The following TNRC6B variants were observed in gnomAD, a reference collection of about 807,000 sequenced individuals.
TNRC6B encodes trinucleotide repeat-containing gene 6B protein.
A neutral mutation model predicts 203.6 loss-of-function variants in TNRC6B; 52 were observed. The ratio of observed to expected loss-of-function variants is 0.26; its 90% CI spans 0.20 to 0.32. The LOEUF is 0.32. Ranked by LOEUF, TNRC6B falls within the 10% of genes least tolerant of loss-of-function variation. TNRC6B has a pLI of 1.00. For missense variants in TNRC6B, 1,923 were observed against 2,286.2 expected, an observed-to-expected ratio of 0.84 and a Z score of 3.24; for synonymous variants, 838 against 845.7, an observed-to-expected ratio of 0.99 and a Z score of 0.16.
At chr22:40,280,806 T>C (rs957446929) in intron 10 of TNRC6B, among the ~76,000 whole-genome samples, 2 of 152,232 alleles carry the variant, frequency 1.3e-5, no homozygotes, top group Non-Finnish European at 2.9e-5. Flanking sequence ...GGCTTCTGTT[T>C]CAGCAGCCAC....
chr22:40,316,827 C>T (rs1392608844), intron 21 of TNRC6B, among the ~76,000 whole-genome samples: 1 of 151,996 alleles, frequency 6.6e-6, no homozygotes, highest in Non-Finnish European at 1.5e-5. Context: ...ATACAGTTTA[C>T]AAAAGTGAAA....
At chr22:40,217,031 C>T (rs971918689) in intron 1 of TNRC6B, among the ~76,000 whole-genome samples, 8 of 152,128 alleles carry the variant, frequency 5.3e-5, no homozygotes, top group African/African-American at 1.9e-4. Context: ...TCTGTCTGAC[C>T]AATGCAGCTG....
chr22:40,167,704 CAAAAAAAAAAAA>C (rs58022219), intron 4 of TNRC6B, among the ~76,000 whole-genome samples: 1 of 59,028 alleles, frequency 1.7e-5, no homozygotes, highest in Admixed American at 2.2e-4. Context: ...CCATCGCTAC[CAAAAAAAAAAAA>C]AAAAAAAAAA....
In TNRC6B at chr22:40,265,716, T is replaced by G. The variant is rs767871405; in HGVS notation, c.1486T>G (p.Trp496Gly). The G allele has an allele frequency of 1.9e-6, 3 of 1,613,708 alleles. No homozygotes were observed. The Admixed American group carries it at 5.0e-5, about 27-fold the overall frequency. ...FGPQDSNDNK[W>G]GEGNKMTSGV... The stretch of plus-strand genomic sequence containing the variant: ...CCCCCAGGACTCTAATGACAACAAA[T>G]GGGGTGAAGGGAACAAAATGACATC... The change falls in exon 5 of 23, where the codon TGG becomes GGG. Residue 496 changes from tryptophan to glycine, a missense_variant. This residue lies in a region of TNRC6B where 614 missense variants were observed against 587.7 expected (regional missense o/e 1.04). Transcript: ENST00000454349.
intron 1 of TNRC6B, among the ~76,000 whole-genome samples, chr22:40,088,584 TTGTGTGTGTGTGTGTGTGTG>T (rs58537972): frequency 4.8e-5 from 6 of 125,230 alleles, no homozygotes; most frequent in East Asian, 2.4e-4. Flanking sequence ...GCGGCTACTT[TTGTGTGTGTGTGTGTGTGTG>T]TGTGTGTGTG....
chr22:40,152,541 G>A (rs2068768024), intron 3 of TNRC6B, among the ~76,000 whole-genome samples: 2 of 152,110 alleles, frequency 1.3e-5, no homozygotes, highest in South Asian at 4.1e-4. Context: ...TGTTAGCCAG[G>A]ATGGTCTCGA....
In TNRC6B at chr22:40,177,958, G is replaced by T. The variant is rs1376519107; in HGVS notation, c.-178G>T. On this transcript the variant is annotated 5_prime_UTR_variant, in exon 1 of 23. Transcript: ENST00000454349. ...AGAGGGAGAGAGAGAGCAAGAGGGA[G>T]AGTGTGTGAGAGAGAGTTAGTTCAA... The T allele has an allele frequency of 7.0e-7, 1 of 1,423,146 alleles. No homozygotes were observed. Among genetic ancestry groups the T allele is most frequent in the East Asian group, 2.6e-5 (1 of 39,030 alleles). 88.2% of individuals were successfully genotyped at this position (1,423,146 alleles called of 1,614,324 possible). A position where few individuals can be genotyped will look rare whatever the true frequency, so the allele number is the denominator to read the frequency against.
chr22:40,281,317 G>C (rs745576975), intron 11 of TNRC6B, 28 bp downstream of exon 11: 3 of 1,518,160 alleles, frequency 2.0e-6, no homozygotes, highest in South Asian at 1.3e-5. Flanking sequence ...ATTTATAACT[G>C]CTTGGCTATG....
intron 1 of TNRC6B, among the ~76,000 whole-genome samples, chr22:40,055,588 A>C (rs1402151453): frequency 6.6e-6 from 1 of 152,246 alleles, no homozygotes; most frequent in Non-Finnish European, 1.5e-5. Context: ...GTTTGAATTC[A>C]TAAAGGCATA....
chr22:40,070,158 A>G (rs2067935098), intron 1 of TNRC6B, among the ~76,000 whole-genome samples: 1 of 151,936 alleles, frequency 6.6e-6, no homozygotes, highest in Admixed American at 6.6e-5. Context: ...GAGACATTTG[A>G]GTTTTGCGTG....
chr22:40,267,533 A>G (rs2070498144), intron 5 of TNRC6B, among the ~76,000 whole-genome samples: 1 of 152,094 alleles, frequency 6.6e-6, no homozygotes, highest in Non-Finnish European at 1.5e-5. Flanking sequence ...GATGATTTTT[A>G]ATGATTACCT....
At chr22:40,061,271 A>G (rs989504957) in intron 1 of TNRC6B, among the ~76,000 whole-genome samples, 2 of 152,010 alleles carry the variant, frequency 1.3e-5, no homozygotes, top group South Asian at 2.1e-4. Context: ...CTGGAGTGCA[A>G]TGGTGTGATC....
At chr22:40,073,456 G>A (rs2067973238) in intron 1 of TNRC6B, among the ~76,000 whole-genome samples, 1 of 152,096 alleles carries the variant, frequency 6.6e-6, no homozygotes, top group African/African-American at 2.4e-5. Context: ...GCAAGCTTTG[G>A]CTGGTAGAGT....
rs59067007 is a variant in TNRC6B, at chr22:40,200,278, CTTTTTTTTT to C, written c.5+22154_5+22162del. 4.0e-5 allele frequency among the ~76,000 whole-genome samples: 3 copies of C among 75,510 alleles called. No individual in the cohort carries two copies. In the East Asian group the frequency reaches 1.4e-3, roughly 35 times the overall value. 49.5% of individuals were successfully genotyped at this position (75,510 alleles called of 152,430 possible). ...TTAAAATAATTTAAAAAGTAATATT[CTTTTTTTTT>C]TTTTTTTTTTTTTTTGAGACAAGAG... On this transcript the variant is annotated intron_variant, in intron 1 of 22. Transcript: ENST00000454349.
chr22:40,262,152 A>G lies in TNRC6B; in HGVS notation c.436A>G (p.Ser146Gly), dbSNP rs374156191. The change falls in exon 4 of 23, where the codon AGT (serine) becomes GGT (glycine). Residue 146 changes from serine to glycine, a missense_variant. Transcript: ENST00000454349. The part of the protein sequence containing the change: ...NAQVTGALLQ[S>G]ESGTAPDSTL... The stretch of plus-strand genomic sequence containing the variant: ...ACAAGTGACAGGAGCGCTGCTGCAG[A>G]GTGAGAGTGGGACTGCGCCAGGTAA... 6 of 1,452,600 alleles carry G rather than the reference A, an allele frequency of 4.1e-6. No individual in the cohort carries two copies. In the African/African-American group the frequency reaches 8.3e-5, roughly 20 times the overall value. 90.0% of individuals were successfully genotyped at this position (1,452,600 alleles called of 1,614,324 possible).
At chr22:40,278,923 T>C (rs1454384121) in intron 9 of TNRC6B, among the ~76,000 whole-genome samples, 1 of 152,192 alleles carries the variant, frequency 6.6e-6, no homozygotes, top group Non-Finnish European at 1.5e-5. Flanking sequence ...GTATTTTTAG[T>C]AGGGACGGGA....
At chr22:40,074,517 G>A (rs778314619) in intron 1 of TNRC6B, among the ~76,000 whole-genome samples, 1 of 152,028 alleles carries the variant, frequency 6.6e-6, no homozygotes, top group South Asian at 2.1e-4. Context: ...GGTGGCTCAC[G>A]CCTGTAATCC....
chr22:40,189,614 G>T (rs1270011780), intron 1 of TNRC6B, among the ~76,000 whole-genome samples: 1 of 152,076 alleles, frequency 6.6e-6, no homozygotes. Flanking sequence ...AAATCTTAGT[G>T]ATGTGTATAT....
intron 1 of TNRC6B, among the ~76,000 whole-genome samples, chr22:40,208,238 T>C (rs2069512806): frequency 6.6e-6 from 1 of 152,022 alleles, no homozygotes; most frequent in Non-Finnish European, 1.5e-5. Context: ...GAAAAGAGTG[T>C]AGCAATGTCT....
Sources: gnomAD v4.1 joint callset for allele counts (sites outside exome capture counted in the v4.1 genomes callset) on GRCh38, gnomAD v4.1.1 for gene constraint, gnomAD v4.1.1 regional missense constraint, MANE v1.5 for transcripts, NCBI Gene and HGNC (gene_info 2026-07-23, HGNC 2026-07-21) for gene names.